The following FAT3 variants were observed in gnomAD, a reference collection of about 807,000 sequenced individuals.
FAT3 encodes FAT atypical cadherin 3.
In FAT3, 95 loss-of-function variants were observed where a neutral mutation model predicts 310.2. The observed-to-expected ratio is 0.31, with a 90% CI of 0.26 to 0.36. FAT3 has a LOEUF of 0.36. FAT3 is among the 10% of genes least tolerant of loss of function. The pLI is 1.00. For missense variants in FAT3, 5,408 were observed against 5,715.6 expected (o/e 0.95, Z 1.74); for synonymous variants, 2,314 against 2,192.9 (o/e 1.06, Z -1.54).
intron 8 of FAT3, among the ~76,000 whole-genome samples, 170 bp from the exon 9 acceptor site, chr11:92,792,597 T>C (rs1364651078): frequency 6.6e-6 from 1 of 152,190 alleles, no homozygotes; most frequent in Non-Finnish European, 1.5e-5. Flanking sequence ...TTGCTCACAA[T>C]GTTTCCTCAC....
intron 4 of FAT3, among the ~76,000 whole-genome samples, chr11:92,742,523 A>G (rs771736104): frequency 1.4e-4 from 21 of 152,232 alleles, no homozygotes; most frequent in Admixed American, 1.1e-3. Flanking sequence ...ACAATCCCCA[A>G]TGCAACCATG....
At chr11:92,711,048 G>T (rs1054022226) in intron 4 of FAT3, among the ~76,000 whole-genome samples, 11 of 149,652 alleles carry the variant, frequency 7.4e-5, no homozygotes, top group African/African-American at 2.6e-4. Context: ...AACAAAAACA[G>T]AGAAGACAAA....
At position 92,800,028 on chromosome 11, in the gene FAT3, A is replaced by G. The variant is rs767660584; in HGVS notation, c.7015A>G (p.Ile2339Val). 3.1e-6 allele frequency: 5 copies of G among 1,613,994 alleles called. No homozygotes were observed. In the Admixed American group the frequency reaches 5.0e-5, roughly 16 times the overall value. Residue 2339 changes from isoleucine to valine, a missense_variant, in exon 10 of 28, where the codon ATA (isoleucine) becomes GTA (valine). Ile to Val is a conservative substitution (Grantham distance 29, BLOSUM62 3). Around this residue, in one of 5 missense-constraint regions of FAT3, gnomAD observed 4,588 missense variants for 4,809.8 expected, o/e 0.95. Transcript: ENST00000525166. ...DTYNSTDYFHIDSSSGLILTA... is the reference protein window; with the variant it reads ...DTYNSTDYFHVDSSSGLILTA... ...CTACAATAGCACAGATTATTTTCAC[A>G]TAGATAGCTCAAGTGGCTTAATCCT...
chr11:92,252,425 A>G (rs1565180459), intron 1 of FAT3, among the ~76,000 whole-genome samples: 1 of 152,126 alleles, frequency 6.6e-6, no homozygotes, highest in Non-Finnish European at 1.5e-5. Flanking sequence ...TAGTGTGACC[A>G]GTATGACATG....
chr11:92,687,966 TG>T (rs1467649772), intron 3 of FAT3, among the ~76,000 whole-genome samples: 1 of 151,610 alleles, frequency 6.6e-6, no homozygotes, highest in Admixed American at 6.6e-5. Context: ...TTTGGGAGGC[TG>T]AGGCCAGAGG....
intron 6 of FAT3, among the ~76,000 whole-genome samples, chr11:92,765,867 T>C (rs528276272): frequency 1.6e-4 from 24 of 152,182 alleles, no homozygotes; most frequent in Non-Finnish European, 2.4e-4. Context: ...TATCTTTTTG[T>C]AGGTTGGTTT....
chr11:92,595,411 T>C (rs1939653702), intron 3 of FAT3, among the ~76,000 whole-genome samples: 2 of 152,196 alleles, frequency 1.3e-5, no homozygotes, highest in African/African-American at 2.4e-5. Flanking sequence ...AAAAAGTGTT[T>C]TATTTATTTC....
chr11:92,524,750 G>C lies in FAT3; in HGVS notation c.3409G>C (p.Glu1137Gln), dbSNP rs761197404. ...PLYSTIEVYIEVEDVNDNAPL... is the reference protein window; with the variant it reads ...PLYSTIEVYIQVEDVNDNAPL... ...CTACTCCACCATTGAGGTCTACATT[G>C]AAGTTGAAGATGTGAATGACAATGC... The change falls in exon 3 of 28, where the codon GAA (glutamate) becomes CAA (glutamine). Residue 1137 changes from glutamate to glutamine, a missense_variant. By Grantham distance (29) the Glu-to-Gln change is conservative. Around this residue, in one of 5 missense-constraint regions of FAT3, gnomAD observed 4,588 missense variants for 4,809.8 expected, o/e 0.95. Coordinates refer to ENST00000525166, the MANE Select transcript of FAT3 (RefSeq NM_001367949.2). 1 of 1,613,678 alleles carries C rather than the reference G, an allele frequency of 6.2e-7. No individual in the cohort carries two copies. Among genetic ancestry groups the C allele is most frequent in the African/African-American group, 1.3e-5 (1 of 74,894 alleles).
At chr11:92,443,812 TGAG>T (rs1591298930) in intron 2 of FAT3, among the ~76,000 whole-genome samples, 1 of 150,376 alleles carries the variant, frequency 6.6e-6, no homozygotes, top group South Asian at 2.1e-4. Flanking sequence ...GGAGGAGGAG[TGAG>T]GAGGAGGAGA....
chr11:92,866,456 A>T (rs2136345669), intron 21 of FAT3, among the ~76,000 whole-genome samples: 1 of 152,322 alleles, frequency 6.6e-6, no homozygotes, highest in Non-Finnish European at 1.5e-5. Flanking sequence ...TAAAAGGTAA[A>T]GACCCAAGGA....
chr11:92,611,764 A>G (rs999276174), intron 3 of FAT3, among the ~76,000 whole-genome samples: 3 of 152,212 alleles, frequency 2.0e-5, no homozygotes, highest in South Asian at 4.1e-4. Flanking sequence ...TCAAATTGCA[A>G]TGATCTCAAT....
chr11:92,341,012 C>T (rs1948245143), intron 1 of FAT3, among the ~76,000 whole-genome samples: 1 of 152,088 alleles, frequency 6.6e-6, no homozygotes, highest in African/African-American at 2.4e-5. Flanking sequence ...CTCTAGGGGG[C>T]AGCATTCTAC....
intron 3 of FAT3, among the ~76,000 whole-genome samples, chr11:92,540,802 T>A (rs1236956083): frequency 6.6e-6 from 1 of 152,058 alleles, no homozygotes; most frequent in African/African-American, 2.4e-5. Flanking sequence ...TCCCAGTTGC[T>A]AAGCTTTCCA....
At chr11:92,855,365 T>C (rs1948944691) in intron 19 of FAT3, among the ~76,000 whole-genome samples, 1 of 152,172 alleles carries the variant, frequency 6.6e-6, no homozygotes, top group African/African-American at 2.4e-5. Flanking sequence ...GAGACAGAAT[T>C]TTTCCTCCTC....
intron 2 of FAT3, among the ~76,000 whole-genome samples, chr11:92,375,857 A>C (rs570707747): frequency 1.2e-4 from 19 of 152,350 alleles, no homozygotes; most frequent in African/African-American, 4.3e-4. Context: ...AAAAAAAATC[A>C]TAGCTAACAT....
At chr11:92,427,228 C>T (rs1255424868) in intron 2 of FAT3, among the ~76,000 whole-genome samples, 4 of 152,146 alleles carry the variant, frequency 2.6e-5, no homozygotes, top group Non-Finnish European at 5.9e-5. Context: ...ATTTTGTATC[C>T]TGAGACTTTG....
chr11:92,345,934 T>G (rs1163370275), intron 1 of FAT3, among the ~76,000 whole-genome samples: 1 of 152,212 alleles, frequency 6.6e-6, no homozygotes, highest in Non-Finnish European at 1.5e-5. Context: ...TTACATGGCT[T>G]TGGCTCAGTA....
At chr11:92,785,717 G>C (rs1946873190) in intron 7 of FAT3, among the ~76,000 whole-genome samples, 1 of 152,006 alleles carries the variant, frequency 6.6e-6, no homozygotes, top group Admixed American at 6.6e-5. Flanking sequence ...AATGAAAAAA[G>C]ACAAACCATA....
Position 92,801,198 on chromosome 11 carries a change from A to G in FAT3, c.8185A>G (p.Thr2729Ala). The change falls in exon 10 of 28, where the codon ACC becomes GCC. Residue 2729 changes from threonine (T) to alanine (A), a missense_variant. Coordinates refer to ENST00000525166, the MANE Select transcript of FAT3 (RefSeq NM_001367949.2). Reference sequence around the variant, plus strand: ...TACAGCCATTGGGAGTACAGTGGACACCCTGAGGATTTTGCCCAGTCAGAA... The same window carrying G: ...TACAGCCATTGGGAGTACAGTGGACGCCCTGAGGATTTTGCCCAGTCAGAA... ...EDTAIGSTVDTLRILPSQNVW... is the reference protein window; with the variant it reads ...EDTAIGSTVDALRILPSQNVW... 6.2e-7 allele frequency: 1 copy of G among 1,613,810 alleles called. No individual in the cohort carries two copies. Among genetic ancestry groups the G allele is most frequent in the South Asian group, 1.1e-5 (1 of 91,060 alleles).
Sources: gnomAD v4.1 joint callset for allele counts (sites outside exome capture counted in the v4.1 genomes callset) on GRCh38, gnomAD v4.1.1 for gene constraint, gnomAD v4.1.1 regional missense constraint, MANE v1.5 for transcripts, NCBI Gene and HGNC (gene_info 2026-07-23, HGNC 2026-07-21) for gene names.